FAM110B: variants seen among roughly 807,000 people sequenced by gnomAD.
The protein encoded by FAM110B is family with sequence similarity 110 member B.
FAM110B carries 6 observed loss-of-function variants against 20.4 expected under a neutral mutation model. That is an observed-to-expected ratio of 0.29 (90% CI 0.16 to 0.58). The LOEUF is 0.58. FAM110B is among the 20% of genes least tolerant of loss of function. The pLI is 0.90. For missense variants in FAM110B, 434 were observed against 498.2 expected, an observed-to-expected ratio of 0.87 and a Z score of 1.23; for synonymous variants, 226 against 214.1, an observed-to-expected ratio of 1.06 and a Z score of -0.49.
intron 1 of FAM110B, among the ~76,000 whole-genome samples, chr8:58,028,386 G>A (rs572294285): frequency 1.3e-5 from 2 of 152,316 alleles, no homozygotes; most frequent in African/African-American, 2.4e-5. Flanking sequence ...GATTACAGGC[G>A]TGAGCCACTG....
At position 58,108,692 on chromosome 8, in the gene FAM110B, C is replaced by T. The variant is rs529926989; in HGVS notation, c.-325+33069C>T. Among the ~76,000 whole-genome samples the T allele has an allele frequency of 4.6e-3, 703 of 152,342 alleles. 2 individuals are homozygous for T. Among genetic ancestry groups the T allele is most frequent in the Non-Finnish European group, 8.0e-3 (545 of 68,034 alleles). On this transcript the variant is annotated intron_variant, in intron 3 of 3. Coordinates refer to ENST00000519262, the MANE Select transcript of FAM110B (RefSeq NM_001377989.1). ...CCAGCTCCTGCTCCTCCTGTCTCAT[C>T]CGGGGGCGGTGAATTCCCCATATTC...
intron 1 of FAM110B, among the ~76,000 whole-genome samples, chr8:58,025,486 G>C (rs1171839536): frequency 6.6e-6 from 1 of 152,174 alleles, no homozygotes; most frequent in Non-Finnish European, 1.5e-5. Flanking sequence ...AACCTTGTCT[G>C]CCATCCTGAG....
chr8:58,065,584 A>T (rs1157639905), intron 2 of FAM110B, among the ~76,000 whole-genome samples: 1 of 152,160 alleles, frequency 6.6e-6, no homozygotes, highest in African/African-American at 2.4e-5. Flanking sequence ...CCTAATTATT[A>T]TTAGGTTGTA....
chr8:58,128,668 G>A (rs2150632305), intron 3 of FAM110B, among the ~76,000 whole-genome samples: 1 of 152,294 alleles, frequency 6.6e-6, no homozygotes, highest in African/African-American at 2.4e-5. Context: ...CCTGCAAGTG[G>A]GGGAAATGGA....
At chr8:58,055,774 A>G (rs1257913246) in intron 2 of FAM110B, among the ~76,000 whole-genome samples, 1 of 152,242 alleles carries the variant, frequency 6.6e-6, no homozygotes, top group Non-Finnish European at 1.5e-5. Context: ...ACTTCTAGCT[A>G]TGATCAGCAT....
At chr8:58,045,915 A>G (rs1805311277) in intron 2 of FAM110B, among the ~76,000 whole-genome samples, 1 of 152,180 alleles carries the variant, frequency 6.6e-6, no homozygotes, top group African/African-American at 2.4e-5. Flanking sequence ...GTTGGTGTCC[A>G]GTGAGGGCTC....
At chr8:58,098,749 T>C (rs1429321655) in intron 3 of FAM110B, among the ~76,000 whole-genome samples, 4 of 150,170 alleles carry the variant, frequency 2.7e-5, no homozygotes, top group African/African-American at 7.3e-5. Flanking sequence ...CTGGAATGCA[T>C]AGCCCCTCAC....
intron 1 of FAM110B, among the ~76,000 whole-genome samples, chr8:57,995,055 C>T (rs1490430008): frequency 1.3e-5 from 2 of 151,994 alleles, no homozygotes; most frequent in African/African-American, 2.4e-5. Flanking sequence ...GCGCCGCTGC[C>T]TGCCCCGCGC....
In FAM110B at chr8:58,148,756, T is replaced by TA. The variant is rs1803931112; in HGVS notation, c.*1414dup. The TA allele has an allele frequency of 6.0e-6, 1 of 167,146 alleles. No individual in the cohort carries two copies. The highest frequency in any genetic ancestry group is 2.1e-4 in the South Asian group (1 of 4,834). 10.4% of individuals were successfully genotyped at this position (167,146 alleles called of 1,614,324 possible). On this transcript the variant is annotated 3_prime_UTR_variant, in exon 4 of 4. Coordinates refer to ENST00000519262, the MANE Select transcript of FAM110B (RefSeq NM_001377989.1). ...ATCTTTAAAGAAAAAAAGAAAAAGT[T>TA]ACGCTAATAAATTGCTGTGGTGCAG... is the stretch of plus-strand genomic sequence containing the variant.
intron 2 of FAM110B, among the ~76,000 whole-genome samples, chr8:58,061,554 T>C (rs1240610863): frequency 6.6e-6 from 1 of 152,232 alleles, no homozygotes; most frequent in African/African-American, 2.4e-5. Flanking sequence ...GAGCAGTCAT[T>C]CAAGAGGAAT....
At chr8:58,128,231 T>C (rs1401601758) in intron 3 of FAM110B, among the ~76,000 whole-genome samples, 3 of 152,118 alleles carry the variant, frequency 2.0e-5, no homozygotes, top group Non-Finnish European at 4.4e-5. Flanking sequence ...AATTCTCTTG[T>C]CCAGAGTCAC....
chr8:58,003,015 G>A (rs574690027), intron 1 of FAM110B, among the ~76,000 whole-genome samples: 1 of 152,320 alleles, frequency 6.6e-6, no homozygotes, highest in South Asian at 2.1e-4. Flanking sequence ...CCCCATAGTA[G>A]AACTTTCAAA....
chr8:58,081,313 T>C (rs1330065158), intron 3 of FAM110B, among the ~76,000 whole-genome samples: 1 of 152,178 alleles, frequency 6.6e-6, no homozygotes, highest in Non-Finnish European at 1.5e-5. Context: ...TTCATGCGAT[T>C]CTCCTGCCTC....
At chr8:58,132,450 T>C (rs905350375) in intron 3 of FAM110B, among the ~76,000 whole-genome samples, 11 of 152,102 alleles carry the variant, frequency 7.2e-5, no homozygotes, top group Admixed American at 4.6e-4. Flanking sequence ...CTTCAGTCCT[T>C]GTGGCCACAG....
chr8:58,136,119 T>C (rs1326390429), intron 3 of FAM110B, among the ~76,000 whole-genome samples: 1 of 150,062 alleles, frequency 6.7e-6, no homozygotes, highest in Admixed American at 6.7e-5. Context: ...TCAAGCGATT[T>C]TCCTGCCTCA....
intron 1 of FAM110B, among the ~76,000 whole-genome samples, chr8:58,016,439 C>T (rs1445346534): frequency 6.6e-6 from 1 of 152,136 alleles, no homozygotes; most frequent in Non-Finnish European, 1.5e-5. Context: ...CCTGGAGGCT[C>T]CAGCACCCAA....
rs190995117 is a variant in FAM110B at position 58,051,154 on chromosome 8, A to G, written c.-414+19451A>G. Among the ~76,000 whole-genome samples the G allele has an allele frequency of 9.6e-4, 146 of 152,304 alleles. 2 individuals carry two copies. The highest frequency in any genetic ancestry group is 2.5e-4 in the Non-Finnish European group (17 of 68,012). ...AATCACTCCTGGGCCAGTGGTGCCC[A>G]GATGAGGACTGGAGCCAGGTGTGCA... On this transcript the variant is annotated intron_variant, in intron 2 of 3. Transcript: ENST00000519262.
At chr8:58,038,504 C>T (rs975776834) in intron 2 of FAM110B, among the ~76,000 whole-genome samples, 3 of 152,180 alleles carry the variant, frequency 2.0e-5, no homozygotes, top group Non-Finnish European at 4.4e-5. Flanking sequence ...TTAATCCCAG[C>T]ACGTTGGGAG....
At chr8:58,078,691 C>T (rs990438573) in intron 3 of FAM110B, among the ~76,000 whole-genome samples, 1 of 151,758 alleles carries the variant, frequency 6.6e-6, no homozygotes, top group Non-Finnish European at 1.5e-5. Context: ...GCTGGGACTA[C>T]AGGCACCCGC....
Sources: gnomAD v4.1 joint callset for allele counts (sites outside exome capture counted in the v4.1 genomes callset) on GRCh38, gnomAD v4.1.1 for gene constraint, MANE v1.5 for transcripts, NCBI Gene and HGNC (gene_info 2026-07-23, HGNC 2026-07-21) for gene names.